The following ZBED1 variants were observed in gnomAD, a reference collection of about 807,000 sequenced individuals.
The protein encoded by ZBED1 is E3 SUMO-protein ligase ZBED1.
Under a neutral mutation model 49.7 loss-of-function variants are expected in ZBED1, and 19 were observed. The observed-to-expected ratio is 0.38, with a 90% CI of 0.27 to 0.56. The LOEUF (loss-of-function observed/expected upper bound fraction) is 0.56, where lower values mean the gene tolerates loss of function less well. Among genes scored for constraint, ZBED1 ranks in the 20% least tolerant of loss-of-function variants. ZBED1 has a pLI of 0.70. For synonymous variants in ZBED1, 439 were observed against 440.3 expected, an observed-to-expected ratio of 1.00 and a Z score of 0.04; for missense variants, 806 against 972.6, an observed-to-expected ratio of 0.83 and a Z score of 2.28.
Position 2,489,234 on chromosome X carries a change from G to T in ZBED1, c.1486C>A (p.Arg496Ser), listed in dbSNP as rs750105889. 4 of 1,613,782 alleles carry T rather than the reference G, an allele frequency of 2.5e-6. No homozygotes were observed. Among genetic ancestry groups the T allele is most frequent in the Admixed American group, 1.7e-5 (1 of 60,004 alleles). The change falls in exon 2 of 2, where the codon CGC becomes AGC. Residue 496 changes from arginine (R) to serine (S), a missense_variant. By Grantham distance (110) the Arg-to-Ser change is moderately radical. Around this residue, in one of 2 missense-constraint regions of ZBED1, gnomAD observed 749 missense variants for 861.3 expected, o/e 0.87. Coordinates refer to ENST00000652001, the MANE Select transcript of ZBED1 (RefSeq NM_001171136.2). Reference protein sequence around the residue: ...SAFERQQVENRVVEEAKGLLD... With the variant: ...SAFERQQVENSVVEEAKGLLD... ...AGGCCCTTGGCCTCTTCCACCACGC[G>T]ATTCTCCACCTGCTGCCGCTCGAAG...
At chrX:2,492,994 C>A (rs2045194010) in intron 1 of ZBED1, among the ~76,000 whole-genome samples, 1 of 152,232 alleles carries the variant, frequency 6.6e-6, no homozygotes, top group African/African-American at 2.4e-5. Context: ...GTCAACGGTG[C>A]CCGCCCAGTG....
Position 2,487,846 on chromosome X carries a change from G to A in ZBED1, c.*789C>T, listed in dbSNP as rs1192272868. 6.6e-6 allele frequency: 1 copy of A among 151,828 alleles called. No homozygotes were observed. Among genetic ancestry groups the A allele is most frequent in the African/African-American group, 2.4e-5 (1 of 41,294 alleles). 9.4% of individuals were successfully genotyped at this position (151,828 alleles called of 1,614,324 possible). A position where few individuals can be genotyped will look rare whatever the true frequency, so the allele number is the denominator to read the frequency against. ...TTTAAGAAGGGCATTTTGGCTAAAA[G>A]GTCTCTTCCCCATTTCTCAGAAGCA... is the stretch of plus-strand genomic sequence containing the variant. On this transcript the variant is annotated 3_prime_UTR_variant, in exon 2 of 2. Transcript: ENST00000652001.
rs1484850817 is a variant in ZBED1, at chrX:2,489,009, C to T, written c.1711G>A (p.Glu571Lys). Reference protein sequence around the residue: ...QEEWHAQVVEELSNFKSQKVL... With the variant: ...QEEWHAQVVEKLSNFKSQKVL... ...TTCTGGGACTTGAAGTTGCTCAGCT[C>T]CTCCACCACCTGGGCATGCCACTCT... Residue 571 changes from glutamate to lysine, a missense_variant, in exon 2 of 2, where the codon GAG becomes AAG. Glu to Lys is a moderately conservative substitution (Grantham distance 56). Transcript: ENST00000652001. 2.0e-5 allele frequency: 33 copies of T among 1,611,114 alleles called. No individual in the cohort carries two copies. Among genetic ancestry groups the T allele is most frequent in the Non-Finnish European group, 2.8e-5 (33 of 1,178,150 alleles).
intron 1 of ZBED1, among the ~76,000 whole-genome samples, chrX:2,494,903 T>C (rs1297880160): frequency 1.3e-5 from 2 of 151,872 alleles, no homozygotes; most frequent in Admixed American, 1.3e-4. Context: ...TATATTCTAT[T>C]ATTATTCTTA....
rs2045044226 is a variant in ZBED1, at chrX:2,489,109, C to T, written c.1611G>A (p.Thr537=). Residue 537 remains threonine (T), a synonymous_variant, in exon 2 of 2, where the codon ACG becomes ACA. Transcript: ENST00000652001. ...TGTTGATGACGCTGGCGGGCGGCGG[C>T]GTGGATGTCCGCATGAGCTTCTTGA... ...PPVKKLMRTS[T]PPPASVINNM... is the part of the protein sequence containing the mutation. The T allele has an allele frequency of 9.9e-6, 16 of 1,613,404 alleles. No homozygotes were observed. Among genetic ancestry groups the T allele is most frequent in the South Asian group, 2.2e-5 (2 of 91,064 alleles).
At chrX:2,494,877 A>T (rs994409986) in intron 1 of ZBED1, among the ~76,000 whole-genome samples, 3 of 151,852 alleles carry the variant, frequency 2.0e-5, no homozygotes, top group African/African-American at 7.2e-5. Context: ...AGGTCCTGGT[A>T]CTGTGAACAA....
rs184332239 is a variant in ZBED1, at chrX:2,493,121, T to A, written c.-53-2349A>T. On this transcript the variant is annotated intron_variant, in intron 1 of 1. Transcript: ENST00000652001. ...GGTCCTGTGGCCAATGCCAGCACCC[T>A]GGTTTGTTCTAAGGTGCTGAGAGAA... Among the ~76,000 whole-genome samples the A allele has an allele frequency of 1.4e-3, 206 of 152,310 alleles. 1 individual carries two copies. Among genetic ancestry groups the A allele is most frequent in the African/African-American group, 4.8e-3 (198 of 41,578 alleles).
In ZBED1 at chrX:2,490,565, G is replaced by A. The variant is rs1218197196; in HGVS notation, c.155C>T (p.Ala52Val). ...WKKIYCRICM[A>V]QIAYSGNTSN... ...GGTGTTTCCGGAGTAGGCGATCTGG[G>A]CCATGCAGATGCGGCAGTAGATTTT... Residue 52 changes from alanine (A) to valine (V), a missense_variant, in exon 2 of 2, where the codon GCC becomes GTC. Ala to Val is a moderately conservative substitution (Grantham distance 64). Coordinates refer to ENST00000652001, the MANE Select transcript of ZBED1 (RefSeq NM_001171136.2). 7.4e-6 allele frequency: 12 copies of A among 1,613,864 alleles called. No individual in the cohort carries two copies. In the African/African-American group the frequency reaches 1.5e-4, roughly 20 times the overall value.
Position 2,488,363 on chromosome X carries a change from C to G in ZBED1, c.*272G>C. On this transcript the variant is annotated 3_prime_UTR_variant, in exon 2 of 2. Transcript: ENST00000652001. Reference sequence around the variant, plus strand: ...CTAATTTTTGTATTTTTAGTAGAGACGGGGTTTCGCCATGTTGGCCAGGCT... The same window carrying G: ...CTAATTTTTGTATTTTTAGTAGAGAGGGGGTTTCGCCATGTTGGCCAGGCT... The G allele has an allele frequency of 2.4e-6, 1 of 424,392 alleles. No individual in the cohort carries two copies. The allele number at this position is 424,392 out of a possible 1,614,324, so 26.3% of individuals were successfully genotyped here.
intron 1 of ZBED1, among the ~76,000 whole-genome samples, chrX:2,491,450 G>A (rs1214154494): frequency 6.6e-6 from 1 of 152,144 alleles, no homozygotes; most frequent in Non-Finnish European, 1.5e-5. Context: ...GGAAAGCTGC[G>A]TAGATCTTTT....
At chrX:2,495,662 T>TCCTCCTC (rs1263163544) in intron 1 of ZBED1, among the ~76,000 whole-genome samples, 9 of 152,006 alleles carry the variant, frequency 5.9e-5, no homozygotes, top group African/African-American at 1.5e-4. Context: ...CCTTCCTCCT[T>TCCTCCTC]CCTCCTCCCT....
chrX:2,496,571 A>C lies in ZBED1; in HGVS notation c.-54+4246T>G, dbSNP rs1349343878. ...GTGATGGGTGCACCAGAATCTCACA[A>C]ATCACCACTAAAAAACTTACTCATG... is the stretch of plus-strand genomic sequence containing the variant. On this transcript the variant is annotated intron_variant, in intron 1 of 1. Transcript: ENST00000652001. 5.9e-5 allele frequency among the ~76,000 whole-genome samples: 9 copies of C among 152,216 alleles called. No individual in the cohort carries two copies. In the East Asian group the frequency reaches 1.5e-3, roughly 26 times the overall value.
Position 2,490,669 on chromosome X carries a change from G to T in ZBED1, c.51C>A (p.Ala17=). ...ACACCTTGCTCTTGGCGCGGGGGTG[G>T]GCCACCAGCTTCAGGTCTGTCTGGG... The part of the protein sequence containing the change: ...ESSQTDLKLV[A]HPRAKSKVWK... The change falls in exon 2 of 2, where the codon GCC becomes GCA. Residue 17 remains alanine, a synonymous_variant. Transcript: ENST00000652001. 6.8e-6 allele frequency: 11 copies of T among 1,613,920 alleles called. No individual in the cohort carries two copies. The highest frequency in any genetic ancestry group is 9.3e-6 in the Non-Finnish European group (11 of 1,179,858).
At chrX:2,495,638 G>A (rs2045263566) in intron 1 of ZBED1, among the ~76,000 whole-genome samples, 1 of 150,946 alleles carries the variant, frequency 6.6e-6, no homozygotes, top group South Asian at 2.1e-4. Flanking sequence ...CTGACCTTCT[G>A]CAGTGAGTAC....
intron 1 of ZBED1, among the ~76,000 whole-genome samples, chrX:2,492,155 C>G (rs1232163768): frequency 6.6e-6 from 1 of 152,170 alleles, no homozygotes; most frequent in Non-Finnish European, 1.5e-5. Context: ...CTGTATCCAC[C>G]TGGTACTTGT....
At chrX:2,499,754 T>G (rs1454318410) in intron 1 of ZBED1, among the ~76,000 whole-genome samples, 1 of 151,610 alleles carries the variant, frequency 6.6e-6, no homozygotes, top group East Asian at 1.9e-4. Context: ...ACAAAAAAAT[T>G]AAAACATTAG....
At chrX:2,500,727 G>T in intron 1 of ZBED1, 90 bp downstream of exon 1, 1 of 454,634 alleles carries the variant, frequency 2.2e-6, no homozygotes, top group African/African-American at 2.3e-5. Context: ...GCCTCGCCAA[G>T]GTCACGCGGA....
intron 1 of ZBED1, among the ~76,000 whole-genome samples, chrX:2,492,134 C>A (rs1250866213): frequency 1.3e-5 from 2 of 152,158 alleles, no homozygotes; most frequent in African/African-American, 4.8e-5. Flanking sequence ...TCCTCCCCTA[C>A]CAAAGAAAAT....
At chrX:2,497,458 G>A (rs2045312897) in intron 1 of ZBED1, among the ~76,000 whole-genome samples, 1 of 152,064 alleles carries the variant, frequency 6.6e-6, no homozygotes, top group South Asian at 2.1e-4. Context: ...AATAGCCACT[G>A]TTCACTACTC....
Sources: allele counts gnomAD v4.1 joint callset (sites outside exome capture counted in the v4.1 genomes callset), GRCh38; gene constraint gnomAD v4.1.1; regional missense constraint gnomAD v4.1.1; transcripts MANE v1.5; gene names NCBI Gene and HGNC (gene_info 2026-07-23, HGNC 2026-07-21).